ASPM: variants seen among roughly 807,000 people sequenced by gnomAD.
The protein encoded by ASPM is abnormal spindle-like microcephaly-associated protein.
Under a neutral mutation model 366.4 loss-of-function variants are expected in ASPM, and 256 were observed. The observed-to-expected ratio is 0.70, with a 90% CI of 0.63 to 0.77. The LOEUF is 0.77. ASPM is among the 30% of genes least tolerant of loss of function. The pLI, the probability that ASPM is intolerant of heterozygous loss-of-function variation, is 0.00. For missense variants in ASPM, 4,146 were observed against 4,090.4 expected, an observed-to-expected ratio of 1.01 and a Z score of -0.37; for synonymous variants, 1,414 against 1,342.9, an observed-to-expected ratio of 1.05 and a Z score of -1.16.
Position 197,146,317 on chromosome 1 carries a change from G to A in ASPM, c.121C>T (p.Leu41Phe), listed in dbSNP as rs1557967613. 1.2e-6 allele frequency: 2 copies of A among 1,613,894 alleles called. No homozygotes were observed. The highest frequency in any genetic ancestry group is 2.7e-5 in the African/African-American group (2 of 75,058). ...AAAGGAGACCTGCAGAAGTGGCTGA[G>A]AGACAGGACCGGCGGGGAAGACGCC... ...EEASSPPVLS[L>F]SHFCRSPFLC... The change falls in exon 1 of 28, where the codon CTC becomes TTC. Residue 41 changes from leucine to phenylalanine, a missense_variant. Around this residue, in one of 3 missense-constraint regions of ASPM, gnomAD observed 512 missense variants for 471.7 expected, o/e 1.09. Coordinates refer to ENST00000367409, the MANE Select transcript of ASPM (RefSeq NM_018136.5).
intron 25 of ASPM, among the ~76,000 whole-genome samples, chr1:197,089,690 CATT>C (rs1326160499): frequency 2.6e-5 from 4 of 151,824 alleles, no homozygotes; most frequent in South Asian, 2.1e-4. Context: ...TTTTAATCAT[CATT>C]GTTTTTAATA....
At chr1:197,131,835 A>G (rs577678262) in intron 7 of ASPM, among the ~76,000 whole-genome samples, 1 of 152,202 alleles carries the variant, frequency 6.6e-6, no homozygotes, top group East Asian at 1.9e-4. Flanking sequence ...CTCGGATTAC[A>G]GCATGAGCCA....
intron 17 of ASPM, among the ~76,000 whole-genome samples, chr1:197,114,579 AT>A (rs989866614): frequency 6.6e-6 from 1 of 151,440 alleles, no homozygotes; most frequent in Non-Finnish European, 1.5e-5. Context: ...CAAAAAGTAC[AT>A]TTTTTTTTAA....
In ASPM at chr1:197,086,968, A is replaced by C; in HGVS notation, c.10166T>G (p.Val3389Gly). The C allele has an allele frequency of 6.2e-7, 1 of 1,607,070 alleles. No individual in the cohort carries two copies. Among genetic ancestry groups the C allele is most frequent in the Non-Finnish European group, 8.5e-7 (1 of 1,178,678 alleles). ...GTCAACAACTTTGGACCTACTTCGTACATCCTACAAAATAAAATGCACAGT... is the reference window on the plus strand; with the variant it reads ...GTCAACAACTTTGGACCTACTTCGTCCATCCTACAAAATAAAATGCACAGT... Reference protein sequence around the residue: ...LLKTTNRASDVRSRSKVVDRI... With the variant: ...LLKTTNRASDGRSRSKVVDRI... Residue 3389 changes from valine to glycine, a missense_variant, in exon 27 of 28, where the codon GTA becomes GGA. Val to Gly is a moderately radical substitution (Grantham distance 109). This residue lies in a region of ASPM where 3,624 missense variants were observed against 3,591.7 expected (regional missense o/e 1.01). Transcript: ENST00000367409.
At chr1:197,132,425 G>T in intron 6 of ASPM, 73 bp from the exon 7 acceptor site, 1 of 1,276,836 alleles carries the variant, frequency 7.8e-7, no homozygotes, top group Non-Finnish European at 1.1e-6. Context: ...ACTTCAAGGA[G>T]AGTATATCAG....
chr1:197,090,748 G>A lies in ASPM; in HGVS notation c.9636+102C>T, dbSNP rs4915315. 977,548 of 1,114,100 alleles carry A rather than the reference G, an allele frequency of 0.88. 437,202 individuals carry two copies. Among genetic ancestry groups the A allele is most frequent in the East Asian group, 0.98 (40,003 of 40,746 alleles). 69.0% of individuals were successfully genotyped at this position (1,114,100 alleles called of 1,614,324 possible). Reference sequence around the variant, plus strand: ...TATGAGTTATTCTACCGGCTAATGCGTTAGCTTTTTAAAATGGTAACTATG... The same window carrying A: ...TATGAGTTATTCTACCGGCTAATGCATTAGCTTTTTAAAATGGTAACTATG... On this transcript the variant is annotated intron_variant, in intron 23 of 27. Coordinates refer to ENST00000367409, the MANE Select transcript of ASPM (RefSeq NM_018136.5).
intron 17 of ASPM, among the ~76,000 whole-genome samples, chr1:197,112,192 A>G (rs756018128): frequency 1.5e-4 from 23 of 152,160 alleles, no homozygotes; most frequent in South Asian, 4.1e-4. Flanking sequence ...GAAAGAATGA[A>G]ATCACGTCCT....
intron 18 of ASPM, among the ~76,000 whole-genome samples, chr1:197,096,735 C>T (rs1656985843): frequency 6.6e-6 from 1 of 151,688 alleles, no homozygotes; most frequent in African/African-American, 2.4e-5. Flanking sequence ...CCTTAATAAT[C>T]ACATGGGTAG....
chr1:197,139,151 A>G, intron 4 of ASPM: 2 of 921,972 alleles, frequency 2.2e-6, no homozygotes, highest in Non-Finnish European at 1.8e-6. Context: ...GATTTTCCAC[A>G]TTGGTACAAA....
chr1:197,130,420 CTAAA>C (rs1287610968), intron 7 of ASPM, among the ~76,000 whole-genome samples: 1 of 151,980 alleles, frequency 6.6e-6, no homozygotes, highest in East Asian at 1.9e-4. Context: ...TAACAGAAAC[CTAAA>C]TATTCAAATT....
chr1:197,104,793 A>G lies in ASPM; in HGVS notation c.4458T>C (p.Tyr1486=), dbSNP rs1325448916. 1 of 1,585,328 alleles carries G rather than the reference A, an allele frequency of 6.3e-7. No individual in the cohort carries two copies. The highest frequency in any genetic ancestry group is 1.4e-5 in the African/African-American group (1 of 73,042). ...RMHKELRKYI[Y]IRSCVVIIQK... ...GAATGATAACAACACAAGATCTAAT[A>G]TAAATATATTTCCGTAATTCTTTAT... Residue 1486 remains tyrosine, a synonymous_variant, in exon 18 of 28, where the codon TAT becomes TAC. Coordinates refer to ENST00000367409, the MANE Select transcript of ASPM (RefSeq NM_018136.5).
intron 17 of ASPM, among the ~76,000 whole-genome samples, chr1:197,106,081 C>G (rs186879060): frequency 1.3e-5 from 2 of 151,982 alleles, no homozygotes; most frequent in African/African-American, 4.8e-5. Context: ...CTGGGTACCT[C>G]GCTCTCCTAT....
At position 197,103,409 on chromosome 1, in the gene ASPM, G is replaced by C; in HGVS notation, c.5842C>G (p.Arg1948Gly). The stretch of plus-strand genomic sequence containing the variant: ...GATTGAAGCACCAGTACCGCATGAC[G>C]GAGTTCAATATACTCCATACATTGC... ...RKQCMEYIEL[R>G]HAVLVLQSMW... The change falls in exon 18 of 28, where the codon CGT becomes GGT. Residue 1948 changes from arginine to glycine, a missense_variant. Physicochemically the swap from Arg to Gly is moderately radical, Grantham distance 125. Around this residue, in one of 3 missense-constraint regions of ASPM, gnomAD observed 3,624 missense variants for 3,591.7 expected, o/e 1.01. Coordinates refer to ENST00000367409, the MANE Select transcript of ASPM (RefSeq NM_018136.5). The C allele has an allele frequency of 6.2e-7, 1 of 1,613,066 alleles. No homozygotes were observed. Among genetic ancestry groups the C allele is most frequent in the East Asian group, 2.2e-5 (1 of 44,846 alleles).
rs1223257505 is a variant in ASPM at position 197,142,947 on chromosome 1, C to A, written c.1305G>T (p.Ser435=). ...SPEDWRKSEV[S]PRIPECQGSK... ...AACCCTGACATTCAGGAATACGTGG[C>A]GAAACTTCACTTTTTCTCCAATCTT... Residue 435 remains serine, a synonymous_variant, in exon 3 of 28, where the codon TCG becomes TCT. Transcript: ENST00000367409. 6.2e-7 allele frequency: 1 copy of A among 1,613,748 alleles called. No individual in the cohort carries two copies. Among genetic ancestry groups the A allele is most frequent in the Non-Finnish European group, 8.5e-7 (1 of 1,179,852 alleles).
intron 4 of ASPM, among the ~76,000 whole-genome samples, chr1:197,138,182 C>T (rs1226611252): frequency 1.3e-5 from 2 of 152,154 alleles, no homozygotes; most frequent in African/African-American, 4.8e-5. Context: ...CATGATGTTA[C>T]ATGTTTATTT....
rs1334233040 is a variant in ASPM at position 197,146,217 on chromosome 1, ACCT to A, written c.218_220del (p.Glu73del). On this transcript the variant is annotated inframe_deletion, in exon 1 of 28. Transcript: ENST00000367409. ...GAAGTGGGAGATCTTCACTTCTGCC[ACCT>A]CCTCGTTAGGGTTGTCTAGGGCCAG... The A allele has an allele frequency of 1.9e-6, 3 of 1,613,738 alleles. No homozygotes were observed. In the African/African-American group the frequency reaches 4.0e-5, roughly 22 times the overall value.
chr1:197,101,988 T>C lies in ASPM; in HGVS notation c.7263A>G (p.Leu2421=). 1 of 1,612,878 alleles carries C rather than the reference T, an allele frequency of 6.2e-7. No homozygotes were observed. The highest frequency in any genetic ancestry group is 1.1e-5 in the South Asian group (1 of 91,070). The change falls in exon 18 of 28, where the codon TTA becomes TTG. Residue 2421 remains leucine (L), a synonymous_variant. Coordinates refer to ENST00000367409, the MANE Select transcript of ASPM (RefSeq NM_018136.5). ...ATLIQSRFRS[L]LVRRRFISLK... ...GGGAAATGAATCTTCTCCTCACCAG[T>C]AATGATCTAAACCTACTCTGAATAA... is the stretch of plus-strand genomic sequence containing the variant.
intron 6 of ASPM, among the ~76,000 whole-genome samples, chr1:197,132,799 T>TA (rs1658304302): frequency 1.3e-5 from 2 of 151,008 alleles, no homozygotes; most frequent in South Asian, 4.2e-4. Flanking sequence ...TATTCAGTCT[T>TA]AAAAATGAAA....
Position 197,143,671 on chromosome 1 carries a change from G to T in ASPM, c.581C>A (p.Ala194Asp), listed in dbSNP as rs141532484. The change falls in exon 3 of 28, where the codon GCT becomes GAT. Residue 194 changes from alanine to aspartate, a missense_variant. Physicochemically the swap from Ala to Asp is moderately radical, Grantham distance 126 (BLOSUM62 -2). Coordinates refer to ENST00000367409, the MANE Select transcript of ASPM (RefSeq NM_018136.5). Reference sequence around the variant, plus strand: ...TTCATTCATAGCCAAGTTTTCACAAGCTTGTAGTGGGCTCCTAACTCTGTC... The same window carrying T: ...TTCATTCATAGCCAAGTTTTCACAATCTTGTAGTGGGCTCCTAACTCTGTC... ...KVDRVRSPLQ[A>D]CENLAMNEGG... is the part of the protein sequence containing the mutation. The T allele has an allele frequency of 3.0e-4, 491 of 1,613,772 alleles. 4 individuals carry two copies. The East Asian group carries it at 9.3e-3, about 31-fold the overall frequency.
Sources: allele counts gnomAD v4.1 joint callset (sites outside exome capture counted in the v4.1 genomes callset), GRCh38; gene constraint gnomAD v4.1.1; regional missense constraint gnomAD v4.1.1; transcripts MANE v1.5; gene names NCBI Gene and HGNC (gene_info 2026-07-23, HGNC 2026-07-21).